Variants in KLF8 observed in about 807,000 individuals in gnomAD.
KLF8 encodes KLF transcription factor 8, also known as Krueppel-like factor 8.
KLF8 carries 10 observed loss-of-function variants against 18.2 expected under a neutral mutation model. The observed-to-expected ratio is 0.55, with a 90% CI of 0.34 to 0.93. The LOEUF (loss-of-function observed/expected upper bound fraction) is 0.93, where lower values mean the gene tolerates loss of function less well. Among genes scored for constraint, KLF8 ranks in the 40% least tolerant of loss-of-function variants. The pLI, the probability that KLF8 is intolerant of heterozygous loss-of-function variation, is 0.02. For synonymous variants in KLF8, 109 were observed against 97.3 expected (o/e 1.12, Z -0.71); for missense variants, 264 against 277.9 (o/e 0.95, Z 0.36).
chrX:56,250,854 A>C (rs1376196582), intron 2 of KLF8, among the ~76,000 whole-genome samples: 17 of 112,050 alleles, frequency 1.5e-4, no homozygotes, highest in Non-Finnish European at 5.6e-5. Flanking sequence ...AAGGAGTTAC[A>C]GTTTGAGTCC....
chrX:56,142,718 C>A, the KLF8 span, among the ~76,000 whole-genome samples: 1 of 111,800 alleles, frequency 8.9e-6, no homozygotes, highest in African/African-American at 3.2e-5. Context: ...ACTTAACCTT[C>A]ATTCTTCTCC....
the KLF8 span, among the ~76,000 whole-genome samples, chrX:56,080,801 T>G: frequency 8.9e-6 from 1 of 111,766 alleles, no homozygotes; most frequent in African/African-American, 3.3e-5. Flanking sequence ...AGACGTAGAT[T>G]TGGTCTTTTC....
At chrX:56,045,848 CAA>C in the KLF8 span, among the ~76,000 whole-genome samples, 1 of 110,779 alleles carries the variant, frequency 9.0e-6, no homozygotes, top group African/African-American at 3.3e-5. Context: ...ATATCATCAG[CAA>C]AGATTGCTCT....
At chrX:56,140,459 A>G in the KLF8 span, among the ~76,000 whole-genome samples, 3 of 111,652 alleles carry the variant, frequency 2.7e-5, no homozygotes, top group Non-Finnish European at 1.9e-5. Context: ...CTTTGCAGCA[A>G]CATGGATGGA....
chrX:56,073,131 C>T, the KLF8 span, among the ~76,000 whole-genome samples: 65 of 109,849 alleles, frequency 5.9e-4, no homozygotes, highest in East Asian at 0.01. Flanking sequence ...GGACTACAGG[C>T]GCCCGCCACC....
the KLF8 span, among the ~76,000 whole-genome samples, chrX:56,174,366 G>T: frequency 7.2e-5 from 8 of 111,809 alleles, no homozygotes; most frequent in African/African-American, 2.6e-4. Flanking sequence ...GGTGGTTTTT[G>T]TCTTTGGTTC....
At position 56,233,133 on chromosome X, in the gene KLF8, T is replaced by A; in HGVS notation, c.-202T>A. 2.1e-6 allele frequency: 1 copy of A among 471,708 alleles called. No homozygotes were observed. Among genetic ancestry groups the A allele is most frequent in the Non-Finnish European group, 3.7e-6 (1 of 267,884 alleles). 38.9% of individuals were successfully genotyped at this position (471,708 alleles called of 1,213,427 possible). A position where few individuals can be genotyped will look rare whatever the true frequency, so the allele number is the denominator to read the frequency against. The stretch of plus-strand genomic sequence containing the variant: ...CTGGGTCTGAATCGACTCCCTCCCC[T>A]TTCGACCCCCTCCTCATTTTCCAGC... On this transcript the variant is annotated 5_prime_UTR_variant, in exon 1 of 6. Transcript: ENST00000468660.
chrX:56,174,248 T>C, the KLF8 span, among the ~76,000 whole-genome samples: 2 of 112,032 alleles, frequency 1.8e-5, no homozygotes, highest in African/African-American at 3.2e-5. Context: ...TAGATAGCTC[T>C]TTTTATTTGG....
At chrX:56,201,781 C>A in the KLF8 span, among the ~76,000 whole-genome samples, 2 of 111,176 alleles carry the variant, frequency 1.8e-5, no homozygotes, top group African/African-American at 6.5e-5. Context: ...TAATGTGCAG[C>A]CATAAATTAA....
the KLF8 span, among the ~76,000 whole-genome samples, chrX:55,949,333 C>CTG: frequency 0.084 from 7,395 of 88,056 alleles, 350 homozygotes; most frequent in Admixed American, 0.16. Context: ...TTTTCATATG[C>CTG]TGTGTGTGTG....
the KLF8 span, among the ~76,000 whole-genome samples, chrX:56,172,217 AT>A: frequency 2.8e-4 from 31 of 110,569 alleles, no homozygotes; most frequent in Non-Finnish European, 3.8e-5. Context: ...TTAACATGTC[AT>A]TTAACATTAG....
chrX:55,990,475 G>C, the KLF8 span, among the ~76,000 whole-genome samples: 1 of 112,115 alleles, frequency 8.9e-6, no homozygotes. Context: ...AGTCATTCAG[G>C]AGCAGGTTGT....
At chrX:56,206,477 A>T in the KLF8 span, among the ~76,000 whole-genome samples, 1 of 112,210 alleles carries the variant, frequency 8.9e-6, no homozygotes, top group Non-Finnish European at 1.9e-5. Flanking sequence ...ATTTGCCAAA[A>T]CAAATGGGCT....
the KLF8 span, among the ~76,000 whole-genome samples, chrX:56,170,068 T>C: frequency 9.0e-6 from 1 of 111,020 alleles, no homozygotes; most frequent in African/African-American, 3.3e-5. Context: ...AATTTTTCTG[T>C]ATCTTATTCA....
chrX:56,075,632 C>T, the KLF8 span, among the ~76,000 whole-genome samples: 2 of 111,150 alleles, frequency 1.8e-5, no homozygotes, highest in Non-Finnish European at 1.9e-5. Context: ...TTGTTGATAC[C>T]CATTAACCAT....
chrX:56,137,011 T>C, the KLF8 span, among the ~76,000 whole-genome samples: 203 of 111,748 alleles, frequency 1.8e-3, 1 homozygote, highest in African/African-American at 6.2e-3. Flanking sequence ...AAAATGCTCA[T>C]CATCACTGGC....
At chrX:55,924,784 C>T in the KLF8 span, among the ~76,000 whole-genome samples, 3 of 105,987 alleles carry the variant, frequency 2.8e-5, no homozygotes, top group Non-Finnish European at 5.8e-5. Flanking sequence ...TGAAGTCTCT[C>T]CTATTATTAT....
At chrX:56,128,720 G>GAGTC in the KLF8 span, among the ~76,000 whole-genome samples, 1 of 111,819 alleles carries the variant, frequency 8.9e-6, no homozygotes, top group African/African-American at 3.3e-5. Flanking sequence ...GATCAAAACT[G>GAGTC]AGTCAGTTTT....
the KLF8 span, among the ~76,000 whole-genome samples, chrX:56,209,394 G>A: frequency 6.3e-5 from 7 of 110,959 alleles, no homozygotes; most frequent in Non-Finnish European, 9.4e-5. Context: ...CATGGGTCTC[G>A]TTTTTTCATT....
Sources: gnomAD v4.1 joint callset for allele counts (sites outside exome capture counted in the v4.1 genomes callset) on GRCh38, gnomAD v4.1.1 for gene constraint, MANE v1.5 for transcripts, NCBI Gene and HGNC (gene_info 2026-07-23, HGNC 2026-07-21) for gene names.